Variants in TMEM117 observed in about 807,000 individuals in gnomAD.
TMEM117 encodes transmembrane protein 117.
Under a neutral mutation model 52.4 loss-of-function variants are expected in TMEM117, and 27 were observed. That is an observed-to-expected ratio of 0.51 (90% CI 0.38 to 0.71). The LOEUF is 0.71. TMEM117 is among the 30% of genes least tolerant of loss of function. The probability of loss-of-function intolerance (pLI) is 0.00; values close to 1 mark genes in which losing one functional copy is unlikely to be tolerated. For missense variants in TMEM117, 556 were observed against 630.5 expected (o/e 0.88, Z 1.26); for synonymous variants, 215 against 206.3 (o/e 1.04, Z -0.36).
intron 3 of TMEM117, among the ~76,000 whole-genome samples, chr12:44,048,130 C>G (rs1946909046): frequency 6.6e-6 from 1 of 152,022 alleles, no homozygotes; most frequent in Admixed American, 6.5e-5. Flanking sequence ...TATCCATTTT[C>G]TTTACATTTT....
chr12:44,364,812 T>TA (rs1252468001), intron 6 of TMEM117, among the ~76,000 whole-genome samples: 2 of 152,124 alleles, frequency 1.3e-5, no homozygotes, highest in African/African-American at 4.8e-5. Context: ...ATAAAAGTTT[T>TA]ACCATTTAAT....
At chr12:44,310,937 ACT>A (rs1189575667) in intron 6 of TMEM117, among the ~76,000 whole-genome samples, 1 of 151,910 alleles carries the variant, frequency 6.6e-6, no homozygotes. Context: ...CTCTCATGTA[ACT>A]CTGGTAATAA....
intron 2 of TMEM117, among the ~76,000 whole-genome samples, chr12:43,917,025 C>T (rs1944615825): frequency 6.7e-6 from 1 of 149,066 alleles, no homozygotes; most frequent in Non-Finnish European, 1.5e-5. Flanking sequence ...TATTTACGGC[C>T]TCCCTATGCC....
chr12:44,185,986 C>T (rs575844417), intron 4 of TMEM117, among the ~76,000 whole-genome samples: 10 of 152,046 alleles, frequency 6.6e-5, no homozygotes, highest in Non-Finnish European at 1.5e-4. Context: ...CATTCTAACC[C>T]AAAGCAGCAC....
intron 3 of TMEM117, among the ~76,000 whole-genome samples, chr12:44,036,406 T>C (rs908505148): frequency 1.3e-5 from 2 of 152,204 alleles, no homozygotes; most frequent in Non-Finnish European, 2.9e-5. Context: ...TAATTAATTA[T>C]GTGTTTGTAA....
chr12:43,834,675 G>C (rs935441187), upstream of TMEM117, among the ~76,000 whole-genome samples: 2 of 152,182 alleles, frequency 1.3e-5, no homozygotes, highest in African/African-American at 4.8e-5. Context: ...ACAAGCTGCT[G>C]AATGACATTT....
chr12:43,929,577 TA>T (rs1420249246), intron 2 of TMEM117, among the ~76,000 whole-genome samples: 1 of 152,176 alleles, frequency 6.6e-6, no homozygotes, highest in Non-Finnish European at 1.5e-5. Context: ...TACAGTTTTG[TA>T]AGTTTTTGAC....
rs866034004 is a variant in TMEM117, at chr12:44,086,904, A to G, written c.411-56621A>G. ...ATGTGATGTCATTTTAATTAAATTC[A>G]TTGTCATTATTTACATTATTATGAC... On this transcript the variant is annotated intron_variant, in intron 3 of 7. Coordinates refer to ENST00000266534, the MANE Select transcript of TMEM117 (RefSeq NM_032256.3). 1.0e-4 allele frequency among the ~76,000 whole-genome samples: 15 copies of G among 149,608 alleles called. No individual in the cohort carries two copies. The Middle Eastern group carries it at 0.014, about 142-fold the overall frequency.
chr12:44,155,708 T>A lies in TMEM117; in HGVS notation c.510+12084T>A, dbSNP rs577182177. Among the ~76,000 whole-genome samples the A allele has an allele frequency of 1.6e-4, 25 of 152,226 alleles. No homozygotes were observed. The South Asian group carries it at 5.0e-3, about 30-fold the overall frequency. Reference sequence around the variant, plus strand: ...CAGCTGCGTTGAACCAGAGATCGTGTTTCTTGTAAAGAAGCATTAAAATTC... The same window carrying A: ...CAGCTGCGTTGAACCAGAGATCGTGATTCTTGTAAAGAAGCATTAAAATTC... On this transcript the variant is annotated intron_variant, in intron 4 of 7. Coordinates refer to ENST00000266534, the MANE Select transcript of TMEM117 (RefSeq NM_032256.3).
chr12:43,924,611 C>T (rs1386762857), intron 2 of TMEM117, among the ~76,000 whole-genome samples: 1 of 152,100 alleles, frequency 6.6e-6, no homozygotes, highest in Non-Finnish European at 1.5e-5. Flanking sequence ...TACATATTTA[C>T]CCTATGAATA....
At chr12:44,256,564 G>A (rs1218496781) in intron 5 of TMEM117, among the ~76,000 whole-genome samples, 1 of 151,938 alleles carries the variant, frequency 6.6e-6, no homozygotes, top group African/African-American at 2.4e-5. Flanking sequence ...GTGGAATTTT[G>A]CTGCTATAGA....
Position 44,185,664 on chromosome 12 carries a change from A to G in TMEM117, c.511-25626A>G, listed in dbSNP as rs375967829. On this transcript the variant is annotated intron_variant, in intron 4 of 7. Coordinates refer to ENST00000266534, the MANE Select transcript of TMEM117 (RefSeq NM_032256.3). ...AATTATTCCTAGTTTTCATGATACA[A>G]ATATTCCAGTATTTCACCATGTGCA... Among the ~76,000 whole-genome samples the G allele has an allele frequency of 1.1e-3, 165 of 152,272 alleles. 6 individuals carry two copies. In the South Asian group the frequency reaches 0.033, roughly 30 times the overall value.
intron 6 of TMEM117, among the ~76,000 whole-genome samples, chr12:44,312,177 C>T (rs919013600): frequency 1.3e-5 from 2 of 151,754 alleles, no homozygotes; most frequent in East Asian, 1.9e-4. Context: ...ATGATCCTAT[C>T]ATCTATGGTG....
chr12:44,185,994 C>A (rs1949273438), intron 4 of TMEM117, among the ~76,000 whole-genome samples: 1 of 151,950 alleles, frequency 6.6e-6, no homozygotes, highest in Admixed American at 6.6e-5. Flanking sequence ...CCCAAAGCAG[C>A]ACTTTTAAAA....
intron 4 of TMEM117, among the ~76,000 whole-genome samples, chr12:44,208,363 T>A (rs17094228): frequency 0.11 from 16,123 of 152,112 alleles, 937 homozygotes; most frequent in Middle Eastern, 0.2. Context: ...CAAAGAGTTA[T>A]GCACATTTCT....
At chr12:43,920,032 C>A (rs1194651640) in intron 2 of TMEM117, among the ~76,000 whole-genome samples, 1 of 151,958 alleles carries the variant, frequency 6.6e-6, no homozygotes, top group East Asian at 1.9e-4. Context: ...ATTCAATCTT[C>A]TCCCTGTGGC....
chr12:43,948,120 G>T (rs922411028), intron 3 of TMEM117, among the ~76,000 whole-genome samples: 8 of 151,936 alleles, frequency 5.3e-5, no homozygotes, highest in African/African-American at 1.9e-4. Context: ...GACATCTCTG[G>T]GGAGCCAAGC....
At chr12:44,183,858 A>G (rs1949239681) in intron 4 of TMEM117, among the ~76,000 whole-genome samples, 1 of 152,064 alleles carries the variant, frequency 6.6e-6, no homozygotes, top group Non-Finnish European at 1.5e-5. Flanking sequence ...TTGATTGACT[A>G]CTTCCCTCAC....
the TMEM117 span, chr12:43,797,673 G>A: frequency 6.2e-7 from 1 of 1,601,034 alleles, no homozygotes. Flanking sequence ...CTACCAAAAA[G>A]AGCAGCCACT....
Sources: gnomAD v4.1 joint callset for allele counts (sites outside exome capture counted in the v4.1 genomes callset) on GRCh38, gnomAD v4.1.1 for gene constraint, MANE v1.5 for transcripts, NCBI Gene and HGNC (gene_info 2026-07-23, HGNC 2026-07-21) for gene names.